PIBF1: variants seen among roughly 807,000 people sequenced by gnomAD.
PIBF1 encodes the protein progesterone immunomodulatory binding factor 1, also known as progesterone-induced-blocking factor 1.
PIBF1 carries 90 observed loss-of-function variants against 112.5 expected under a neutral mutation model. The ratio of observed to expected loss-of-function variants is 0.80; its 90% CI spans 0.67 to 0.95. The LOEUF (loss-of-function observed/expected upper bound fraction) is 0.95, where lower values mean the gene tolerates loss of function less well. Ranked by LOEUF, PIBF1 falls within the 40% of genes least tolerant of loss-of-function variation. The probability of loss-of-function intolerance (pLI) is 0.00; values close to 1 mark genes in which losing one functional copy is unlikely to be tolerated. For missense variants in PIBF1, 915 were observed against 852.3 expected (o/e 1.07, Z -0.92); for synonymous variants, 301 against 288.6 (o/e 1.04, Z -0.44).
chr13:72,967,085 G>A (rs1458423363), intron 15 of PIBF1, among the ~76,000 whole-genome samples: 1 of 151,666 alleles, frequency 6.6e-6, no homozygotes, highest in Non-Finnish European at 1.5e-5. Flanking sequence ...ACAGGCACAC[G>A]CTGCCACGCC....
chr13:73,000,252 A>G (rs979522313), intron 17 of PIBF1, among the ~76,000 whole-genome samples: 2 of 152,092 alleles, frequency 1.3e-5, no homozygotes, highest in African/African-American at 4.8e-5. Flanking sequence ...CCACTTCCTC[A>G]TTAACTTGCT....
At chr13:72,884,854 G>A (rs17210522) in intron 10 of PIBF1, among the ~76,000 whole-genome samples, 2,299 of 152,164 alleles carry the variant, frequency 0.015, 27 homozygotes, top group Non-Finnish European at 0.023. Context: ...TAATTATTTG[G>A]TCCATTAAGT....
chr13:72,852,503 A>G (rs771781227), intron 9 of PIBF1, among the ~76,000 whole-genome samples: 22 of 152,124 alleles, frequency 1.4e-4, no homozygotes, highest in Non-Finnish European at 2.4e-4. Context: ...CAGGTGTGAG[A>G]TCCCGGCCAG....
rs1199132941 is a variant in PIBF1 at position 72,904,551 on chromosome 13, G to A, written c.1489-3980G>A. Among the ~76,000 whole-genome samples, 3 of 141,024 alleles carry A rather than the reference G, an allele frequency of 2.1e-5. No individual in the cohort carries two copies. In the East Asian group the frequency reaches 6.6e-4, roughly 31 times the overall value. 92.5% of individuals were successfully genotyped at this position (141,024 alleles called of 152,430 possible). A position where few individuals can be genotyped will look rare whatever the true frequency, so the allele number is the denominator to read the frequency against. On this transcript the variant is annotated intron_variant, in intron 11 of 17. Coordinates refer to ENST00000326291, the MANE Select transcript of PIBF1 (RefSeq NM_006346.4). ...CACCTCCCAGGTTCAAGCGATTCTT[G>A]TGCCTCAGCCTTTGAAGTAACTGAG...
At chr13:72,997,956 T>G (rs935310638) in intron 16 of PIBF1, among the ~76,000 whole-genome samples, 1 of 152,160 alleles carries the variant, frequency 6.6e-6, no homozygotes, top group Non-Finnish European at 1.5e-5. Flanking sequence ...CGGGTGAAAT[T>G]TTTGATCTCT....
intron 14 of PIBF1, among the ~76,000 whole-genome samples, chr13:72,943,134 A>T (rs1021143661): frequency 6.6e-6 from 1 of 152,202 alleles, no homozygotes; most frequent in Non-Finnish European, 1.5e-5. Context: ...AGTGAACTTT[A>T]ATTCATCAGC....
intron 16 of PIBF1, among the ~76,000 whole-genome samples, chr13:72,978,992 C>T (rs2043090889): frequency 6.6e-6 from 1 of 152,138 alleles, no homozygotes; most frequent in Non-Finnish European, 1.5e-5. Context: ...GCTAGGTGTT[C>T]AGCACCAGCC....
chr13:73,013,083 C>CCT (rs2044254169), intron 17 of PIBF1, among the ~76,000 whole-genome samples: 1 of 151,270 alleles, frequency 6.6e-6, no homozygotes, highest in Non-Finnish European at 1.5e-5. Context: ...GGGCGGATCA[C>CCT]GAGGTCAGGA....
At chr13:73,000,046 T>C (rs945088818) in intron 17 of PIBF1, among the ~76,000 whole-genome samples, 1 of 151,078 alleles carries the variant, frequency 6.6e-6, no homozygotes, top group African/African-American at 2.5e-5. Flanking sequence ...CCTCAAAAAA[T>C]AAAATAAAAT....
intron 11 of PIBF1, chr13:72,901,021 T>G: frequency 2.4e-6 from 1 of 425,020 alleles, no homozygotes; most frequent in South Asian, 1.7e-5. Context: ...AAACTCCGTC[T>G]CAAAACAAAA....
intron 10 of PIBF1, among the ~76,000 whole-genome samples, chr13:72,893,159 A>G (rs554475457): frequency 5.5e-4 from 83 of 152,264 alleles, no homozygotes; most frequent in African/African-American, 1.9e-3. Flanking sequence ...AATTTATAGT[A>G]TGTGGTGATT....
At chr13:72,783,871 A>G (rs932234671) in intron 2 of PIBF1, 150 bp downstream of exon 2, 20 of 828,640 alleles carry the variant, frequency 2.4e-5, no homozygotes, top group Middle Eastern at 3.5e-4. Context: ...TGGTGTTCAT[A>G]GAAGTAGAGA....
intron 13 of PIBF1, among the ~76,000 whole-genome samples, chr13:72,928,753 T>C (rs2041614768): frequency 6.6e-6 from 1 of 152,198 alleles, no homozygotes; most frequent in Admixed American, 6.5e-5. Context: ...ATTTCTTGAG[T>C]CAGTGTTTTA....
At chr13:72,893,647 A>G (rs2040144973) in intron 10 of PIBF1, 137 bp from the exon 11 acceptor site, 2 of 456,000 alleles carry the variant, frequency 4.4e-6, no homozygotes, top group East Asian at 3.7e-5. Context: ...AATTATTTAT[A>G]AAAGCTTTGC....
intron 10 of PIBF1, among the ~76,000 whole-genome samples, chr13:72,861,393 A>G (rs1311003071): frequency 1.3e-5 from 2 of 152,238 alleles, no homozygotes; most frequent in South Asian, 4.2e-4. Context: ...TTCAATCCCA[A>G]CTTCTCTGGT....
rs563749608 is a variant in PIBF1 at position 72,817,979 on chromosome 13, G to A, written c.673-3870G>A. Among the ~76,000 whole-genome samples, 11 of 152,176 alleles carry A rather than the reference G, an allele frequency of 7.2e-5. No homozygotes were observed. In the East Asian group the frequency reaches 2.1e-3, roughly 29 times the overall value. Reference sequence around the variant, plus strand: ...AAAAATTGTAAATAAAGTGCTGGTCGAATATGTGCATTCTTATACTGCACT... The same window carrying A: ...AAAAATTGTAAATAAAGTGCTGGTCAAATATGTGCATTCTTATACTGCACT... On this transcript the variant is annotated intron_variant, in intron 5 of 17. Transcript: ENST00000326291.
At chr13:72,880,415 A>T (rs939030772) in intron 10 of PIBF1, among the ~76,000 whole-genome samples, 16 of 152,258 alleles carry the variant, frequency 1.1e-4, no homozygotes, top group Non-Finnish European at 2.2e-4. Context: ...GACAAGCTTT[A>T]AAACAAAGTG....
chr13:72,793,684 G>A (rs935186369), intron 3 of PIBF1, among the ~76,000 whole-genome samples: 1 of 152,162 alleles, frequency 6.6e-6, no homozygotes, highest in Admixed American at 6.5e-5. Flanking sequence ...CATAAAAAAT[G>A]GTTGGATTCT....
intron 10 of PIBF1, among the ~76,000 whole-genome samples, chr13:72,871,201 C>A (rs890752733): frequency 6.6e-6 from 1 of 152,076 alleles, no homozygotes. Context: ...CATCCTCCAT[C>A]CCTCACAAAG....
Sources: gnomAD v4.1 joint callset for allele counts (sites outside exome capture counted in the v4.1 genomes callset) on GRCh38, gnomAD v4.1.1 for gene constraint, MANE v1.5 for transcripts, NCBI Gene and HGNC (gene_info 2026-07-23, HGNC 2026-07-21) for gene names.